TRHDE: variants seen among roughly 807,000 people sequenced by gnomAD.
TRHDE encodes thyrotropin-releasing hormone-degrading ectoenzyme.
In TRHDE, 72 loss-of-function variants were observed where a neutral mutation model predicts 125.7. That is an observed-to-expected ratio of 0.57 (90% confidence interval 0.47 to 0.70). The LOEUF (loss-of-function observed/expected upper bound fraction) is 0.70. TRHDE is among the 30% of genes least tolerant of loss of function. The pLI, the probability that TRHDE is intolerant of heterozygous loss-of-function variation, is 0.00. For missense variants in TRHDE, 1,110 were observed against 1,327.1 expected, an observed-to-expected ratio of 0.84 and a Z score of 2.54; for synonymous variants, 509 against 509.1, an observed-to-expected ratio of 1.00 and a Z score of 0.00.
chr12:72,655,085 T>C (rs936799199), intron 17 of TRHDE, among the ~76,000 whole-genome samples: 2 of 152,140 alleles, frequency 1.3e-5, no homozygotes, highest in African/African-American at 4.8e-5. Flanking sequence ...TTGTTGTTTG[T>C]TTTTTGAGAC....
Position 72,277,309 on chromosome 12 carries a change from T to C in TRHDE, c.914+3752T>C, listed in dbSNP as rs372570085. ...GGTAGGCATTTGCTCTACTGTGGTATTTGTGTGATCTGATGCCTTGTAATT... is the reference window on the plus strand; with the variant it reads ...GGTAGGCATTTGCTCTACTGTGGTACTTGTGTGATCTGATGCCTTGTAATT... On this transcript the variant is annotated intron_variant, in intron 1 of 18. Coordinates refer to ENST00000261180, the MANE Select transcript of TRHDE (RefSeq NM_013381.3). Among the ~76,000 whole-genome samples the C allele has an allele frequency of 1.2e-4, 19 of 152,280 alleles. No homozygotes were observed. The South Asian group carries it at 1.7e-3, about 13-fold the overall frequency.
intron 2 of TRHDE, among the ~76,000 whole-genome samples, chr12:72,201,571 T>A (rs1877560818): frequency 6.6e-6 from 1 of 152,046 alleles, no homozygotes; most frequent in South Asian, 2.1e-4. Flanking sequence ...AGTGAAGTAG[T>A]TAACCTAATG....
At chr12:72,484,155 T>C (rs1031966543) in intron 5 of TRHDE, among the ~76,000 whole-genome samples, 14 of 152,104 alleles carry the variant, frequency 9.2e-5, no homozygotes, top group Non-Finnish European at 7.4e-5. Flanking sequence ...TTTTGTCAAA[T>C]ATTAAAATGC....
intron 2 of TRHDE, among the ~76,000 whole-genome samples, chr12:72,165,046 G>A (rs987627882): frequency 5.3e-5 from 8 of 152,052 alleles, no homozygotes; most frequent in Non-Finnish European, 1.0e-4. Context: ...TAAAATAGAT[G>A]GGCAGCTCAC....
intron 2 of TRHDE, among the ~76,000 whole-genome samples, chr12:72,293,955 G>T (rs1043572773): frequency 6.6e-6 from 1 of 152,300 alleles, no homozygotes; most frequent in East Asian, 1.9e-4. Flanking sequence ...GCCAGCTGCT[G>T]CAGTGGGGCA....
At chr12:72,568,442 A>C (rs1870559676) in intron 9 of TRHDE, 126 bp from the exon 10 acceptor site, 1 of 530,428 alleles carries the variant, frequency 1.9e-6, no homozygotes, top group African/African-American at 1.9e-5. Flanking sequence ...TTGTGACCGG[A>C]ATTATTTTTT....
intron 3 of TRHDE, among the ~76,000 whole-genome samples, chr12:72,407,618 A>G (rs1418980075): frequency 6.6e-6 from 1 of 152,258 alleles, no homozygotes; most frequent in Non-Finnish European, 1.5e-5. Flanking sequence ...TTAAAAATAT[A>G]GTAAAGATCT....
At chr12:72,215,786 C>T (rs1477948527) in intron 2 of TRHDE, among the ~76,000 whole-genome samples, 3 of 152,096 alleles carry the variant, frequency 2.0e-5, no homozygotes, top group Admixed American at 1.3e-4. Flanking sequence ...ACCTGAATTC[C>T]TGGGATGGGG....
chr12:72,314,264 TC>T (rs11310976), intron 2 of TRHDE, among the ~76,000 whole-genome samples: 45,880 of 150,716 alleles, frequency 0.3, 7,211 homozygotes, highest in African/African-American at 0.38. Context: ...TCTTTTTTTT[TC>T]CTCTCTCTTT....
At chr12:72,493,352 G>GTATAGATA (rs1259404176) in intron 5 of TRHDE, among the ~76,000 whole-genome samples, 1 of 151,890 alleles carries the variant, frequency 6.6e-6, no homozygotes, top group Admixed American at 6.6e-5. Flanking sequence ...TATATTTAAT[G>GTATAGATA]TATGCATTTT....
intron 6 of TRHDE, among the ~76,000 whole-genome samples, chr12:72,509,775 C>T (rs1878508722): frequency 6.6e-6 from 1 of 152,158 alleles, no homozygotes; most frequent in Non-Finnish European, 1.5e-5. Context: ...TAATGTATCT[C>T]CAATACCTAT....
chr12:72,203,943 G>T (rs944154783), intron 2 of TRHDE, among the ~76,000 whole-genome samples: 1 of 151,976 alleles, frequency 6.6e-6, no homozygotes, highest in Admixed American at 6.5e-5. Context: ...TCATAGCATC[G>T]GCTTATGTCA....
At chr12:72,436,853 T>C (rs1459340847) in intron 3 of TRHDE, among the ~76,000 whole-genome samples, 1 of 151,926 alleles carries the variant, frequency 6.6e-6, no homozygotes, top group African/African-American at 2.4e-5. Context: ...TTGAACAATC[T>C]TATGAGCTTC....
intron 10 of TRHDE, among the ~76,000 whole-genome samples, chr12:72,572,301 A>G (rs1218832518): frequency 6.6e-6 from 1 of 152,172 alleles, no homozygotes; most frequent in Non-Finnish European, 1.5e-5. Flanking sequence ...GAAAGTAAAA[A>G]ATATAAAATC....
At chr12:72,150,807 A>T (rs1876343525) in intron 2 of TRHDE, among the ~76,000 whole-genome samples, 1 of 152,020 alleles carries the variant, frequency 6.6e-6, no homozygotes, top group Admixed American at 6.6e-5. Context: ...ATTGTTGGAC[A>T]TTTGGGTTGT....
At position 72,571,138 on chromosome 12, in the gene TRHDE, A is replaced by G. The variant is rs151176511; in HGVS notation, c.2131+2482A>G. ...TTCTGATGACTAATAAAAATTTAAC[A>G]GCAAACAAAAATTAGGAAAAAAAGA... On this transcript the variant is annotated intron_variant, in intron 10 of 18. Transcript: ENST00000261180. Among the ~76,000 whole-genome samples the G allele has an allele frequency of 3.2e-4, 49 of 152,288 alleles. No homozygotes were observed. In the East Asian group the frequency reaches 7.7e-3, roughly 24 times the overall value.
chr12:72,180,810 G>A (rs1387745477), intron 2 of TRHDE, among the ~76,000 whole-genome samples: 1 of 152,112 alleles, frequency 6.6e-6, no homozygotes, highest in Non-Finnish European at 1.5e-5. Context: ...GAACATAAGG[G>A]CCCATGTACC....
At chr12:72,404,758 A>G (rs1805682132) in intron 3 of TRHDE, among the ~76,000 whole-genome samples, 1 of 152,138 alleles carries the variant, frequency 6.6e-6, no homozygotes. Context: ...GGGAGCTACA[A>G]TTCAATATGA....
At chr12:72,629,145 AAC>A (rs1873374781) in intron 15 of TRHDE, among the ~76,000 whole-genome samples, 1 of 151,874 alleles carries the variant, frequency 6.6e-6, no homozygotes, top group Non-Finnish European at 1.5e-5. Flanking sequence ...TAAATGCATT[AAC>A]GACTTTATAT....
Sources: gnomAD v4.1 joint callset for allele counts (sites outside exome capture counted in the v4.1 genomes callset) on GRCh38, gnomAD v4.1.1 for gene constraint, MANE v1.5 for transcripts, NCBI Gene and HGNC (gene_info 2026-07-23, HGNC 2026-07-21) for gene names.